Variants in SH3BGRL2 observed in about 807,000 individuals in gnomAD.
SH3BGRL2 encodes SH3 domain-binding glutamic acid-rich-like protein 2.
SH3BGRL2 carries 21 observed loss-of-function variants against 14.8 expected under a neutral mutation model. The observed-to-expected ratio is 1.42, with a 90% CI of 1.01 to 2.05. SH3BGRL2 has a LOEUF of 2.05. Among genes scored for constraint, SH3BGRL2 ranks in the 30% most tolerant of loss-of-function variants. The pLI, the probability that SH3BGRL2 is intolerant of heterozygous loss-of-function variation, is 0.00. For synonymous variants in SH3BGRL2, 50 were observed against 47.8 expected (o/e 1.05, Z -0.19); for missense variants, 147 against 130.8 (o/e 1.12, Z -0.61).
the SH3BGRL2 span, among the ~76,000 whole-genome samples, chr6:79,625,435 G>A: frequency 6.6e-6 from 1 of 152,114 alleles, no homozygotes; most frequent in East Asian, 1.9e-4. Flanking sequence ...AATTTAAGCT[G>A]CATTATTTGA....
the SH3BGRL2 span, among the ~76,000 whole-genome samples, chr6:79,587,879 G>A: frequency 6.6e-6 from 1 of 152,156 alleles, no homozygotes; most frequent in Admixed American, 6.5e-5. Context: ...ATAAGACAAA[G>A]AAAAAAGAAG....
chr6:79,538,391 C>T, the SH3BGRL2 span, among the ~76,000 whole-genome samples: 1 of 152,144 alleles, frequency 6.6e-6, no homozygotes. Flanking sequence ...TGTTTCAAAG[C>T]TTTCATTTTA....
chr6:79,661,343 T>C (rs1431012648), intron 1 of SH3BGRL2, among the ~76,000 whole-genome samples: 4 of 152,208 alleles, frequency 2.6e-5, no homozygotes, highest in African/African-American at 9.7e-5. Context: ...TTTGTTCTCA[T>C]TGGTTTCAAA....
At chr6:79,665,321 A>G (rs1170888952) in intron 1 of SH3BGRL2, among the ~76,000 whole-genome samples, 1 of 152,248 alleles carries the variant, frequency 6.6e-6, no homozygotes, top group African/African-American at 2.4e-5. Context: ...TAATTCATAC[A>G]TGCAATAAGA....
the SH3BGRL2 span, among the ~76,000 whole-genome samples, chr6:79,609,173 G>A: frequency 6.6e-6 from 1 of 152,170 alleles, no homozygotes; most frequent in Non-Finnish European, 1.5e-5. Flanking sequence ...CCTTTTACAT[G>A]CATGACATTG....
chr6:79,663,077 T>C (rs980332671), intron 1 of SH3BGRL2, among the ~76,000 whole-genome samples: 2 of 152,192 alleles, frequency 1.3e-5, no homozygotes, highest in African/African-American at 4.8e-5. Context: ...TTAGCTTCCT[T>C]GCGAAGGGTT....
intron 2 of SH3BGRL2, among the ~76,000 whole-genome samples, chr6:79,688,337 C>T (rs1770143461): frequency 6.6e-6 from 1 of 151,924 alleles, no homozygotes; most frequent in Non-Finnish European, 1.5e-5. Flanking sequence ...AGAGATTTTT[C>T]TTTTTGTCAG....
At chr6:79,687,843 A>G (rs1016031904) in intron 2 of SH3BGRL2, among the ~76,000 whole-genome samples, 4 of 152,094 alleles carry the variant, frequency 2.6e-5, no homozygotes, top group African/African-American at 4.8e-5. Flanking sequence ...TGTTCCCTCC[A>G]GTTTTCTATT....
At chr6:79,687,620 A>G (rs568939920) in intron 2 of SH3BGRL2, among the ~76,000 whole-genome samples, 84 of 152,334 alleles carry the variant, frequency 5.5e-4, no homozygotes, top group African/African-American at 2.0e-3. Flanking sequence ...TATAGCACTA[A>G]CAACCTTTAT....
the SH3BGRL2 span, among the ~76,000 whole-genome samples, chr6:79,543,698 C>G: frequency 6.6e-6 from 1 of 152,180 alleles, no homozygotes. Flanking sequence ...AACATAGGAA[C>G]TGTCTCTCTG....
Position 79,676,511 on chromosome 6 carries a change from T to C in SH3BGRL2, c.231+2712T>C, listed in dbSNP as rs1056498974. Among the ~76,000 whole-genome samples, 3 of 152,110 alleles carry C rather than the reference T, an allele frequency of 2.0e-5. No homozygotes were observed. The East Asian group carries it at 5.8e-4, about 29-fold the overall frequency. On this transcript the variant is annotated intron_variant, in intron 2 of 3. Coordinates refer to ENST00000369838, the MANE Select transcript of SH3BGRL2 (RefSeq NM_031469.4). ...GACATTGAGTTTTGACCATTCTCTT[T>C]TTTCTAAGATCTTTCACCATTTCTC... is the stretch of plus-strand genomic sequence containing the variant.
chr6:79,548,994 A>C, the SH3BGRL2 span, among the ~76,000 whole-genome samples: 1 of 152,202 alleles, frequency 6.6e-6, no homozygotes, highest in South Asian at 2.1e-4. Context: ...CTCATAACAA[A>C]ATGGCTGAAA....
Position 79,683,556 on chromosome 6 carries a change from T to C in SH3BGRL2, c.231+9757T>C, listed in dbSNP as rs113949353. ...TCACTGCAGCCAGGTTCAAGCAATT[T>C]TCCTGCCTCAGCCTCCCGAGTAGCT... On this transcript the variant is annotated intron_variant, in intron 2 of 3. Coordinates refer to ENST00000369838, the MANE Select transcript of SH3BGRL2 (RefSeq NM_031469.4). Among the ~76,000 whole-genome samples, 1,294 of 152,134 alleles carry C rather than the reference T, an allele frequency of 8.5e-3. 9 individuals are homozygous for C. The highest frequency in any genetic ancestry group is 0.013 in the Non-Finnish European group (890 of 67,970).
Position 79,700,204 on chromosome 6 carries a change from A to G in SH3BGRL2, c.*695A>G, listed in dbSNP as rs1770427247. On this transcript the variant is annotated 3_prime_UTR_variant, in exon 4 of 4. Transcript: ENST00000369838. ...TGCTATTTGAAATATATGCTTCTTT[A>G]TTTCTTGCAAGGGGCAAGTTTCACC... 1 of 152,166 alleles carries G rather than the reference A, an allele frequency of 6.6e-6. No individual in the cohort carries two copies. The highest frequency in any genetic ancestry group is 2.1e-4 in the South Asian group (1 of 4,828). 9.4% of individuals were successfully genotyped at this position (152,166 alleles called of 1,614,324 possible). A position where few individuals can be genotyped will look rare whatever the true frequency, so the allele number is the denominator to read the frequency against.
At chr6:79,559,497 A>G in the SH3BGRL2 span, among the ~76,000 whole-genome samples, 20 of 152,224 alleles carry the variant, frequency 1.3e-4, 1 homozygote, top group African/African-American at 2.4e-5. Context: ...AGATGTCAAT[A>G]TTATAAAAGA....
intron 1 of SH3BGRL2, among the ~76,000 whole-genome samples, chr6:79,647,006 T>G (rs1769157624): frequency 6.6e-6 from 1 of 152,244 alleles, no homozygotes; most frequent in South Asian, 2.1e-4. Flanking sequence ...AACGTTTGCG[T>G]ATAAGTTTTC....
At chr6:79,568,693 T>C in the SH3BGRL2 span, among the ~76,000 whole-genome samples, 1 of 152,162 alleles carries the variant, frequency 6.6e-6, no homozygotes, top group East Asian at 1.9e-4. Context: ...TTCAAAAATA[T>C]GTTAAGAGTC....
chr6:79,609,943 A>G, the SH3BGRL2 span, among the ~76,000 whole-genome samples: 1 of 152,224 alleles, frequency 6.6e-6, no homozygotes, highest in Non-Finnish European at 1.5e-5. Context: ...GCATTTTTGC[A>G]TATGGAAGGC....
the SH3BGRL2 span, among the ~76,000 whole-genome samples, chr6:79,586,620 T>A: frequency 1.7e-3 from 252 of 152,250 alleles, no homozygotes; most frequent in African/African-American, 5.9e-3. Flanking sequence ...TGAAGTAACA[T>A]CATGAGAAGA....
Sources: allele counts gnomAD v4.1 joint callset (sites outside exome capture counted in the v4.1 genomes callset), GRCh38; gene constraint gnomAD v4.1.1; transcripts MANE v1.5; gene names NCBI Gene and HGNC (gene_info 2026-07-23, HGNC 2026-07-21).